The following CA5B variants were observed in gnomAD, a reference collection of about 807,000 sequenced individuals.
CA5B encodes carbonic anhydrase 5B.
CA5B carries 15 observed loss-of-function variants against 23.1 expected under a neutral mutation model. The observed-to-expected ratio is 0.65, with a 90% CI of 0.43 to 1.00. The LOEUF is 1.00. Ranked by LOEUF, CA5B falls within the 50% of genes least tolerant of loss-of-function variation. The pLI, the probability that CA5B is intolerant of heterozygous loss-of-function variation, is 0.00. For synonymous variants in CA5B, 84 were observed against 98.5 expected (o/e 0.85, Z 0.87); for missense variants, 236 against 252.2 (o/e 0.94, Z 0.43).
At chrX:15,745,726 A>G (rs1270156502) in intron 1 of CA5B, 5 of 111,640 alleles carry the variant, frequency 4.5e-5, no homozygotes, top group Admixed American at 2.9e-4. Context: ...CTTTCCCCAT[A>G]TCTTTTAGAA....
In CA5B at chrX:15,782,974, G is replaced by C. The variant is rs1485032075; in HGVS notation, c.*310G>C. The C allele has an allele frequency of 1.4e-5, 3 of 211,965 alleles. No individual in the cohort carries two copies. The highest frequency in any genetic ancestry group is 1.4e-3 in the Middle Eastern group (1 of 739). The allele number at this position is 211,965 out of a possible 1,213,427, so 17.5% of individuals were successfully genotyped here. A position where few individuals can be genotyped will look rare whatever the true frequency, so the allele number is the denominator to read the frequency against. ...GCTCACTGCAGCCTTGAACTCCTAGGCTCAAGCAGTCCTCCTGCCTTAGCC... is the reference window on the plus strand; with the variant it reads ...GCTCACTGCAGCCTTGAACTCCTAGCCTCAAGCAGTCCTCCTGCCTTAGCC... On this transcript the variant is annotated 3_prime_UTR_variant, in exon 8 of 8. Coordinates refer to ENST00000318636, the MANE Select transcript of CA5B (RefSeq NM_007220.4).
At chrX:15,769,679 C>T (rs1014460365) in intron 3 of CA5B, 2 of 507,421 alleles carry the variant, frequency 3.9e-6, no homozygotes, top group African/African-American at 2.6e-5. Flanking sequence ...CACACATACA[C>T]AGTTTAAAAC....
chrX:15,772,434 T>C (rs757242043), intron 3 of CA5B, 62 bp from the exon 4 acceptor site: 1 of 741,269 alleles, frequency 1.3e-6, no homozygotes, highest in East Asian at 3.2e-5. Context: ...ATTTGGCCTT[T>C]CACCCACATT....
chrX:15,769,137 G>T (rs773332781), intron 3 of CA5B, among the ~76,000 whole-genome samples: 2 of 111,792 alleles, frequency 1.8e-5, no homozygotes, highest in African/African-American at 3.2e-5. Flanking sequence ...AGAAATCAAT[G>T]AAATCAAAAG....
At chrX:15,752,882 A>G (rs1249163507) in intron 2 of CA5B, among the ~76,000 whole-genome samples, 2 of 111,381 alleles carry the variant, frequency 1.8e-5, no homozygotes, top group African/African-American at 3.3e-5. Context: ...GATCTCCACA[A>G]TCTTTATCTT....
intron 2 of CA5B, chrX:15,762,910 C>T: frequency 2.9e-6 from 1 of 349,728 alleles, no homozygotes; most frequent in Non-Finnish European, 5.8e-6. Flanking sequence ...TCTGTGTTAT[C>T]AGCAAGTCTG....
chrX:15,776,098 G>C, intron 6 of CA5B: 2 of 593,988 alleles, frequency 3.4e-6, no homozygotes, highest in Non-Finnish European at 4.1e-6. Flanking sequence ...CAGCACTTTG[G>C]GAGGCCGAGG....
rs1342350269 is a variant in CA5B, at chrX:15,784,274, T to C, written c.*1610T>C. ...GTATTATTTGCACGCTGTTACATAG[T>C]ATATAATGATAATGTTTTCTACAGT... On this transcript the variant is annotated 3_prime_UTR_variant, in exon 8 of 8. Coordinates refer to ENST00000318636, the MANE Select transcript of CA5B (RefSeq NM_007220.4). The C allele has an allele frequency of 8.9e-6, 1 of 112,755 alleles. No individual in the cohort carries two copies. Among genetic ancestry groups the C allele is most frequent in the Non-Finnish European group, 1.9e-5 (1 of 53,369 alleles). 9.3% of individuals were successfully genotyped at this position (112,755 alleles called of 1,213,427 possible).
intron 1 of CA5B, among the ~76,000 whole-genome samples, chrX:15,742,937 A>G (rs1931151940): frequency 8.9e-6 from 1 of 112,274 alleles, no homozygotes; most frequent in African/African-American, 3.2e-5. Context: ...TGCACACAGC[A>G]TTCCCCCACA....
chrX:15,749,962 T>A lies in CA5B; in HGVS notation c.-53-9T>A. 8.5e-7 allele frequency: 1 copy of A among 1,178,007 alleles called. No homozygotes were observed. Among genetic ancestry groups the A allele is most frequent in the Non-Finnish European group, 1.1e-6 (1 of 873,295 alleles). ...TACAGCTTTCCCTCCTCTGCCCTCATCCCTCTAGATTATTAAGTTCCTGCA... is the reference window on the plus strand; with the variant it reads ...TACAGCTTTCCCTCCTCTGCCCTCAACCCTCTAGATTATTAAGTTCCTGCA... On this transcript the variant is annotated splice_polypyrimidine_tract_variant and intron_variant, in intron 1 of 7. Transcript: ENST00000318636.
chrX:15,777,357 T>C (rs1931950930), intron 7 of CA5B, among the ~76,000 whole-genome samples: 2 of 111,914 alleles, frequency 1.8e-5, no homozygotes, highest in Non-Finnish European at 3.8e-5. Flanking sequence ...CTAAGTAGTA[T>C]TTACTATGCA....
chrX:15,743,643 A>G (rs1022581375), intron 1 of CA5B, among the ~76,000 whole-genome samples: 2 of 112,169 alleles, frequency 1.8e-5, no homozygotes, highest in African/African-American at 6.5e-5. Context: ...CAGAGTCATC[A>G]GAAACCATCA....
intron 3 of CA5B, among the ~76,000 whole-genome samples, chrX:15,771,864 AT>A (rs202030474): frequency 1.2e-3 from 126 of 104,843 alleles, no homozygotes; most frequent in East Asian, 7.3e-3. Context: ...CATGCTTACC[AT>A]TTTTTTTTTT....
At chrX:15,764,069 G>A (rs754897964) in intron 2 of CA5B, among the ~76,000 whole-genome samples, 1 of 111,615 alleles carries the variant, frequency 9.0e-6, no homozygotes, top group South Asian at 3.8e-4. Context: ...TTACATGCTA[G>A]TCTCCTCTGT....
Position 15,784,636 on chromosome X carries a change from G to A in CA5B, c.*1972G>A, listed in dbSNP as rs1932082233. On this transcript the variant is annotated 3_prime_UTR_variant, in exon 8 of 8. Transcript: ENST00000318636. ...TCATCTGGTCTGCAAGATAGGGTTGGATGAATATACTTAACACTACTGAAC... is the reference window on the plus strand; with the variant it reads ...TCATCTGGTCTGCAAGATAGGGTTGAATGAATATACTTAACACTACTGAAC... The A allele has an allele frequency of 8.9e-6, 1 of 112,018 alleles. No homozygotes were observed. The highest frequency in any genetic ancestry group is 3.2e-5 in the African/African-American group (1 of 30,782). The allele number at this position is 112,018 out of a possible 1,213,427, so 9.2% of individuals were successfully genotyped here. A position where few individuals can be genotyped will look rare whatever the true frequency, so the allele number is the denominator to read the frequency against.
chrX:15,776,648 C>T (rs1038394401), intron 6 of CA5B, 66 bp from the exon 7 acceptor site: 3 of 903,628 alleles, frequency 3.3e-6, no homozygotes, highest in Non-Finnish European at 4.8e-6. Flanking sequence ...ACCGTCACCT[C>T]GGCGTCCAAT....
At chrX:15,764,016 G>A (rs1246946819) in intron 2 of CA5B, among the ~76,000 whole-genome samples, 8 of 111,448 alleles carry the variant, frequency 7.2e-5, no homozygotes, top group Non-Finnish European at 1.5e-4. Context: ...GATGATACCT[G>A]CCCACATTAA....
At chrX:15,745,049 T>G (rs758332942) in intron 1 of CA5B, among the ~76,000 whole-genome samples, 5 of 108,013 alleles carry the variant, frequency 4.6e-5, no homozygotes, top group Non-Finnish European at 9.6e-5. Context: ...GGTGCCTGTA[T>G]TCCCAGCTAC....
chrX:15,750,273 G>A, intron 2 of CA5B, 108 bp downstream of exon 2: 1 of 612,783 alleles, frequency 1.6e-6, no homozygotes, highest in Non-Finnish European at 2.5e-6. Flanking sequence ...GAGCAAGTGT[G>A]CAAGAGCAAA....
Sources: gnomAD v4.1 joint callset for allele counts (sites outside exome capture counted in the v4.1 genomes callset) on GRCh38, gnomAD v4.1.1 for gene constraint, MANE v1.5 for transcripts, NCBI Gene and HGNC (gene_info 2026-07-23, HGNC 2026-07-21) for gene names.